VGLL3: variants seen among roughly 807,000 people sequenced by gnomAD.
VGLL3 encodes the protein vestigial like family member 3.
Under a neutral mutation model 29.2 loss-of-function variants are expected in VGLL3, and 18 were observed. The ratio of observed to expected loss-of-function variants is 0.62; its 90% CI spans 0.43 to 0.91. The LOEUF is 0.91. Among genes scored for constraint, VGLL3 ranks in the 40% least tolerant of loss-of-function variants. The pLI, the probability that VGLL3 is intolerant of heterozygous loss-of-function variation, is 0.00. For synonymous variants in VGLL3, 180 were observed against 151.8 expected, an observed-to-expected ratio of 1.19 and a Z score of -1.36; for missense variants, 440 against 413.2, an observed-to-expected ratio of 1.06 and a Z score of -0.56.
chr3:86,982,105 T>A (rs920953943), intron 1 of VGLL3, among the ~76,000 whole-genome samples: 1 of 152,176 alleles, frequency 6.6e-6, no homozygotes, highest in African/African-American at 2.4e-5. Context: ...TACTTTCTAA[T>A]GTCTGTGTTC....
chr3:86,980,071 C>A (rs1000309016), intron 1 of VGLL3, among the ~76,000 whole-genome samples: 6 of 150,516 alleles, frequency 4.0e-5, no homozygotes, highest in Non-Finnish European at 1.5e-5. Context: ...ATTCTAGTGA[C>A]GAAATGAGCT....
intron 2 of VGLL3, among the ~76,000 whole-genome samples, chr3:86,974,862 T>G (rs991647487): frequency 6.6e-6 from 1 of 152,176 alleles, no homozygotes; most frequent in African/African-American, 2.4e-5. Context: ...TAAGACTGTG[T>G]GTTTTGTACC....
chr3:86,967,717 C>A (rs1031402139), intron 3 of VGLL3, among the ~76,000 whole-genome samples: 24 of 152,090 alleles, frequency 1.6e-4, no homozygotes, highest in Admixed American at 2.6e-4. Flanking sequence ...ACTTTGGACT[C>A]CAGGGATACA....
intron 3 of VGLL3, among the ~76,000 whole-genome samples, chr3:86,958,933 A>G (rs889682563): frequency 3.3e-5 from 5 of 152,224 alleles, no homozygotes; most frequent in African/African-American, 1.2e-4. Flanking sequence ...AAAAAGAAAA[A>G]GTTTTGTAGA....
At chr3:86,949,554 C>G (rs536226379) in intron 3 of VGLL3, among the ~76,000 whole-genome samples, 1 of 151,712 alleles carries the variant, frequency 6.6e-6, no homozygotes, top group African/African-American at 2.4e-5. Flanking sequence ...TGGCTGGGCG[C>G]GGTGGCTCAT....
chr3:86,987,365 A>G (rs1705468743), intron 1 of VGLL3, among the ~76,000 whole-genome samples: 1 of 152,194 alleles, frequency 6.6e-6, no homozygotes, highest in Non-Finnish European at 1.5e-5. Flanking sequence ...AAGTGAAAGC[A>G]TGCATGCAGA....
intron 2 of VGLL3, among the ~76,000 whole-genome samples, chr3:86,977,161 A>G (rs986753662): frequency 6.6e-6 from 1 of 151,726 alleles, no homozygotes; most frequent in Non-Finnish European, 1.5e-5. Context: ...GTCACTGTTT[A>G]GTGTTGTTTA....
At chr3:86,955,861 T>A (rs1363166342) in intron 3 of VGLL3, among the ~76,000 whole-genome samples, 1 of 152,130 alleles carries the variant, frequency 6.6e-6, no homozygotes, top group Admixed American at 6.5e-5. Flanking sequence ...TAACACATAC[T>A]TGTGTTAAAA....
chr3:86,957,026 T>C (rs2106980875), intron 3 of VGLL3, among the ~76,000 whole-genome samples: 1 of 152,214 alleles, frequency 6.6e-6, no homozygotes, highest in Admixed American at 6.5e-5. Flanking sequence ...ATTTTTTTTG[T>C]TTTATATGAG....
rs1205084647 is a variant in VGLL3 at position 86,978,680 on chromosome 3, G to A, written c.249C>T (p.Tyr83=). Residue 83 remains tyrosine (Y), a synonymous_variant, in exon 2 of 4, where the codon TAC becomes TAT. Coordinates refer to ENST00000398399, the MANE Select transcript of VGLL3 (RefSeq NM_016206.4). ...TGAAAAGGACACAGCGAGAGTTAAG[G>A]TACTCCATCTCGGCAGGCTGGTCTT... is the stretch of plus-strand genomic sequence containing the variant. ...EEKDQPAEME[Y]LNSRCVLFTY... 1 of 1,614,028 alleles carries A rather than the reference G, an allele frequency of 6.2e-7. No homozygotes were observed.
At position 86,990,750 on chromosome 3, in the gene VGLL3, C is replaced by T. The variant is rs750207967; in HGVS notation, c.-7G>A. ...TCACCTCCGCACAACTCATGGCAGC[C>T]GGGGCAGTGGCGGCCCCCGAGCTGC... On this transcript the variant is annotated 5_prime_UTR_variant, in exon 1 of 4. Coordinates refer to ENST00000398399, the MANE Select transcript of VGLL3 (RefSeq NM_016206.4). 2 of 1,080,530 alleles carry T rather than the reference C, an allele frequency of 1.9e-6. No homozygotes were observed. Among genetic ancestry groups the T allele is most frequent in the South Asian group, 2.7e-5 (1 of 37,652 alleles). 66.9% of individuals were successfully genotyped at this position (1,080,530 alleles called of 1,614,324 possible).
intron 3 of VGLL3, among the ~76,000 whole-genome samples, chr3:86,948,398 A>C (rs537184415): frequency 6.6e-6 from 1 of 152,176 alleles, no homozygotes; most frequent in African/African-American, 2.4e-5. Flanking sequence ...TCCCTCAACT[A>C]GTCACAGAAT....
intron 3 of VGLL3, among the ~76,000 whole-genome samples, chr3:86,965,160 A>G (rs1434989856): frequency 7.0e-6 from 1 of 142,854 alleles, no homozygotes; most frequent in African/African-American, 2.6e-5. Context: ...CCATCAAAAG[A>G]AAAAAAAAAA....
At chr3:86,964,549 G>T (rs768928663) in intron 3 of VGLL3, among the ~76,000 whole-genome samples, 6 of 152,130 alleles carry the variant, frequency 3.9e-5, no homozygotes, top group Non-Finnish European at 5.9e-5. Context: ...AACCCCCAAG[G>T]TGATGGTATA....
chr3:86,953,217 A>AT (rs1421427698), intron 3 of VGLL3, among the ~76,000 whole-genome samples: 1 of 152,222 alleles, frequency 6.6e-6, no homozygotes, highest in African/African-American at 2.4e-5. Context: ...ATCACCTATC[A>AT]TCAGACAATT....
At chr3:86,983,287 G>C (rs550546218) in intron 1 of VGLL3, among the ~76,000 whole-genome samples, 1 of 152,112 alleles carries the variant, frequency 6.6e-6, no homozygotes, top group South Asian at 2.1e-4. Flanking sequence ...AAACATGATT[G>C]GAGCTATAAG....
At chr3:86,963,519 T>C (rs984107400) in intron 3 of VGLL3, among the ~76,000 whole-genome samples, 13 of 152,168 alleles carry the variant, frequency 8.5e-5, no homozygotes, top group African/African-American at 3.1e-4. Flanking sequence ...TTGCACAATA[T>C]TGTGAATATA....
At chr3:86,989,055 T>A (rs961551870) in intron 1 of VGLL3, among the ~76,000 whole-genome samples, 4 of 152,024 alleles carry the variant, frequency 2.6e-5, no homozygotes, top group Non-Finnish European at 5.9e-5. Context: ...TGCCATTTTC[T>A]CTGATACCGA....
intron 3 of VGLL3, chr3:86,962,320 G>A (rs770158692): frequency 7.1e-6 from 7 of 985,368 alleles, no homozygotes; most frequent in Non-Finnish European, 8.4e-6. Context: ...GAGGTTAGAG[G>A]AATAAGGAGC....
Sources: gnomAD v4.1 joint callset for allele counts (sites outside exome capture counted in the v4.1 genomes callset) on GRCh38, gnomAD v4.1.1 for gene constraint, MANE v1.5 for transcripts, NCBI Gene and HGNC (gene_info 2026-07-23, HGNC 2026-07-21) for gene names.